The following ANO1 variants were observed in gnomAD, a reference collection of about 807,000 sequenced individuals.
ANO1 encodes the protein anoctamin-1.
Under a neutral mutation model 124.0 loss-of-function variants are expected in ANO1, and 59 were observed. The observed-to-expected ratio is 0.48, with a 90% CI of 0.39 to 0.59. The LOEUF is 0.59. Among genes scored for constraint, ANO1 ranks in the 20% least tolerant of loss-of-function variants. The probability of loss-of-function intolerance (pLI) is 0.00; values close to 1 mark genes in which losing one functional copy is unlikely to be tolerated. For synonymous variants in ANO1, 529 were observed against 532.0 expected (o/e 0.99, Z 0.08); for missense variants, 1,059 against 1,328.0 (o/e 0.80, Z 3.15).
intron 11 of ANO1, among the ~76,000 whole-genome samples, chr11:70,135,794 A>G (rs2135545237): frequency 6.6e-6 from 1 of 152,326 alleles, no homozygotes; most frequent in East Asian, 1.9e-4. Context: ...GGCTGTAATG[A>G]TCCCATTTCG....
intron 1 of ANO1, among the ~76,000 whole-genome samples, chr11:70,048,158 C>T (rs1323087818): frequency 6.6e-6 from 1 of 152,156 alleles, no homozygotes; most frequent in Non-Finnish European, 1.5e-5. Flanking sequence ...AGGCTTAATT[C>T]CATTTTATTT....
intron 2 of ANO1, among the ~76,000 whole-genome samples, chr11:70,099,162 C>T (rs968396780): frequency 2.6e-5 from 4 of 152,218 alleles, no homozygotes; most frequent in Non-Finnish European, 4.4e-5. Flanking sequence ...GGCCAAGAGT[C>T]GGGGCAGAAT....
At chr11:70,101,739 C>G (rs987425852) in intron 2 of ANO1, among the ~76,000 whole-genome samples, 2 of 152,202 alleles carry the variant, frequency 1.3e-5, no homozygotes, top group Non-Finnish European at 2.9e-5. Context: ...CGCTCTGCAC[C>G]CGGAGGGGAT....
chr11:70,144,558 G>C (rs2047282043), intron 11 of ANO1, among the ~76,000 whole-genome samples: 1 of 152,242 alleles, frequency 6.6e-6, no homozygotes, highest in Non-Finnish European at 1.5e-5. Flanking sequence ...GCCTCTATGA[G>C]GAGTTTGTGT....
At chr11:69,982,484 A>G (rs1554996343), upstream of ANO1, among the ~76,000 whole-genome samples, 1 of 152,158 alleles carries the variant, frequency 6.6e-6, no homozygotes, top group African/African-American at 2.4e-5. Flanking sequence ...TCAGTGTTCT[A>G]CCATGTTTCC....
At chr11:70,107,888 G>A (rs1293656086) in intron 5 of ANO1, among the ~76,000 whole-genome samples, 2 of 152,202 alleles carry the variant, frequency 1.3e-5, no homozygotes, top group Non-Finnish European at 2.9e-5. Context: ...GGATCCCAAG[G>A]CCCGCCCCAC....
chr11:70,058,285 T>G (rs553968554), intron 1 of ANO1, among the ~76,000 whole-genome samples: 48 of 152,340 alleles, frequency 3.2e-4, no homozygotes, highest in Non-Finnish European at 2.2e-4. Context: ...GGCAAGTTTT[T>G]GGGCTCTATC....
Position 70,189,457 on chromosome 11 carries a change from T to A in ANO1, c.*1453T>A, listed in dbSNP as rs191893938. The A allele has an allele frequency of 8.0e-4, 122 of 152,740 alleles. No homozygotes were observed. Among genetic ancestry groups the A allele is most frequent in the African/African-American group, 2.8e-3 (116 of 41,528 alleles). 9.5% of individuals were successfully genotyped at this position (152,740 alleles called of 1,614,324 possible). ...AATCCTTTTATGGAAACCATTTTTTTAAAAAGTGAATGTACACAAATCCAC... is the reference window on the plus strand; with the variant it reads ...AATCCTTTTATGGAAACCATTTTTTAAAAAAGTGAATGTACACAAATCCAC... On this transcript the variant is annotated 3_prime_UTR_variant, in exon 26 of 26. Transcript: ENST00000355303.
At chr11:70,033,096 G>A (rs1276764247) in intron 1 of ANO1, among the ~76,000 whole-genome samples, 1 of 152,138 alleles carries the variant, frequency 6.6e-6, no homozygotes, top group Admixed American at 6.5e-5. Context: ...ATGGGTGTGA[G>A]CCAGGGAAAG....
chr11:70,105,877 G>C, intron 5 of ANO1, 89 bp downstream of exon 5: 1 of 1,315,266 alleles, frequency 7.6e-7, no homozygotes, highest in Non-Finnish European at 1.1e-6. Flanking sequence ...AACTCCTCCC[G>C]GTGGAAGCCG....
chr11:70,104,875 C>T (rs910010782), intron 4 of ANO1, among the ~76,000 whole-genome samples: 2 of 152,120 alleles, frequency 1.3e-5, no homozygotes, highest in Non-Finnish European at 2.9e-5. Context: ...GAACAGGTGC[C>T]TCAGCTCACA....
intron 1 of ANO1, among the ~76,000 whole-genome samples, chr11:70,081,559 G>A (rs2044201221): frequency 6.6e-6 from 1 of 152,180 alleles, no homozygotes; most frequent in African/African-American, 2.4e-5. Flanking sequence ...ACAGGCCACT[G>A]ATTTCATTTA....
intron 1 of ANO1, among the ~76,000 whole-genome samples, chr11:70,031,513 T>C (rs2135030420): frequency 6.6e-6 from 1 of 152,300 alleles, no homozygotes; most frequent in Non-Finnish European, 1.5e-5. Context: ...TCCCCTTGCC[T>C]CTGGTTGCCC....
chr11:70,070,163 A>G (rs7925983), intron 1 of ANO1, among the ~76,000 whole-genome samples: 108,697 of 151,964 alleles, frequency 0.72, 38,940 homozygotes, highest in African/African-American at 0.72. Flanking sequence ...TAGCTGGTTC[A>G]ATTCTGTGCA....
intron 8 of ANO1, among the ~76,000 whole-genome samples, chr11:70,120,026 A>ACGG (rs2046192559): frequency 6.6e-6 from 1 of 151,640 alleles, no homozygotes; most frequent in African/African-American, 2.4e-5. Context: ...GCCTGGTGCC[A>ACGG]AGTTTTTGCC....
At chr11:70,073,754 C>T (rs1313334112), upstream of ANO1, among the ~76,000 whole-genome samples, 1 of 152,014 alleles carries the variant, frequency 6.6e-6, no homozygotes, top group African/African-American at 2.4e-5. Context: ...GCCTTGTGTT[C>T]ACAAAACACA....
intron 6 of ANO1, among the ~76,000 whole-genome samples, chr11:70,110,591 C>T (rs1424488059): frequency 1.3e-5 from 2 of 152,152 alleles, no homozygotes; most frequent in African/African-American, 4.8e-5. Flanking sequence ...CTGATCATTC[C>T]AGGTCATTGA....
chr11:70,087,255 A>G (rs1230364001), intron 1 of ANO1, among the ~76,000 whole-genome samples: 1 of 152,198 alleles, frequency 6.6e-6, no homozygotes, highest in African/African-American at 2.4e-5. Flanking sequence ...CCCCTCAAGC[A>G]TTTATCCTGT....
rs1206858671 is a variant in ANO1 at position 70,010,198 on chromosome 11, T to TATAA, written c.58+24032_58+24033insATAA. 2.8e-3 allele frequency among the ~76,000 whole-genome samples: 390 copies of TATAA among 137,560 alleles called. 13 individuals carry two copies. Among genetic ancestry groups the TATAA allele is most frequent in the African/African-American group, 0.01 (374 of 37,368 alleles). 90.2% of individuals were successfully genotyped at this position (137,560 alleles called of 152,430 possible). On this transcript the variant is annotated intron_variant, in intron 1 of 27. Coordinates refer to the ANO1 transcript ENST00000531349. ...GTGTGTGTATATATATATATATATA[T>TATAA]CACATTTTCTTTATCCACTCATCAG... is the stretch of plus-strand genomic sequence containing the variant.
Sources: gnomAD v4.1 joint callset for allele counts (sites outside exome capture counted in the v4.1 genomes callset) on GRCh38, gnomAD v4.1.1 for gene constraint, MANE v1.5 for transcripts, NCBI Gene and HGNC (gene_info 2026-07-23, HGNC 2026-07-21) for gene names.